Variants in ATP11A observed in about 807,000 individuals in gnomAD.
The protein encoded by ATP11A is ATPase phospholipid transporting 11A, also known as phospholipid-transporting ATPase IH.
ATP11A carries 81 observed loss-of-function variants against 154.4 expected under a neutral mutation model. The observed-to-expected ratio is 0.52, with a 90% CI of 0.44 to 0.63. ATP11A has a LOEUF of 0.63. Among genes scored for constraint, ATP11A ranks in the 30% least tolerant of loss-of-function variants. The pLI, the probability that ATP11A is intolerant of heterozygous loss-of-function variation, is 0.00. For synonymous variants in ATP11A, 623 were observed against 585.9 expected (o/e 1.06, Z -0.91); for missense variants, 1,316 against 1,474.3 (o/e 0.89, Z 1.76).
intron 1 of ATP11A, among the ~76,000 whole-genome samples, chr13:112,771,372 C>A (rs1472534975): frequency 6.6e-6 from 1 of 152,222 alleles, no homozygotes; most frequent in Admixed American, 6.5e-5. Context: ...AGATGTGTCT[C>A]CTGGGTTCTG....
chr13:112,717,382 A>G (rs1888590662), intron 1 of ATP11A: 1 of 152,130 alleles, frequency 6.6e-6, no homozygotes, highest in Non-Finnish European at 1.5e-5. Flanking sequence ...ACTGAGCTCC[A>G]TTACCTCCAA....
intron 25 of ATP11A, among the ~76,000 whole-genome samples, chr13:112,867,176 C>G (rs2080362437): frequency 6.6e-6 from 1 of 152,210 alleles, no homozygotes; most frequent in South Asian, 2.1e-4. Context: ...TTTTCTCTCA[C>G]AAACACCACC....
intron 1 of ATP11A, among the ~76,000 whole-genome samples, chr13:112,764,710 G>A (rs1275313709): frequency 6.6e-6 from 1 of 152,230 alleles, no homozygotes; most frequent in Non-Finnish European, 1.5e-5. Flanking sequence ...TCCCCTTGAT[G>A]GGCTCGTCTG....
At chr13:112,863,358 G>A (rs1318922916) in intron 25 of ATP11A, among the ~76,000 whole-genome samples, 2 of 144,398 alleles carry the variant, frequency 1.4e-5, no homozygotes, top group African/African-American at 5.3e-5. Flanking sequence ...CACCTGCGCA[G>A]TAATTCAGTG....
At chr13:112,775,973 C>T (rs282590) in intron 1 of ATP11A, among the ~76,000 whole-genome samples, 15,448 of 152,260 alleles carry the variant, frequency 0.1, 1,226 homozygotes, top group African/African-American at 0.21. Flanking sequence ...CGTGAGCCCA[C>T]GCCGTCAGGC....
At chr13:112,835,379 AT>A (rs1300804107) in intron 15 of ATP11A, among the ~76,000 whole-genome samples, 2 of 152,352 alleles carry the variant, frequency 1.3e-5, no homozygotes, top group South Asian at 2.1e-4. Context: ...CTTAGGGAAA[AT>A]AAACTCCCCA....
chr13:112,766,575 C>G (rs1484906416), intron 1 of ATP11A, among the ~76,000 whole-genome samples: 2 of 151,966 alleles, frequency 1.3e-5, no homozygotes, highest in African/African-American at 4.8e-5. Flanking sequence ...GGTCAGGGTC[C>G]TTGCAGGACC....
At position 112,721,768 on chromosome 13, in the gene ATP11A, A is replaced by G. The variant is rs140082563; in HGVS notation, c.39+31313A>G. Among the ~76,000 whole-genome samples the G allele has an allele frequency of 2.4e-4, 36 of 152,364 alleles. 1 individual carries two copies. The East Asian group carries it at 6.6e-3, about 28-fold the overall frequency. The stretch of plus-strand genomic sequence containing the variant: ...TGGCCCCCAGCGAATGACATTGCAT[A>G]TAACTGCTTTTTTAGAGTGTTAAGA... On this transcript the variant is annotated intron_variant, in intron 1 of 29. Coordinates refer to ENST00000375645, the MANE Select transcript of ATP11A (RefSeq NM_015205.3).
intron 17 of ATP11A, among the ~76,000 whole-genome samples, chr13:112,847,751 T>G (rs1182810286): frequency 6.6e-6 from 1 of 152,238 alleles, no homozygotes; most frequent in Non-Finnish European, 1.5e-5. Context: ...CTCTTGAGAT[T>G]TAATAGGAAT....
intron 2 of ATP11A, among the ~76,000 whole-genome samples, chr13:112,799,463 T>TA (rs1323036042): frequency 6.6e-6 from 1 of 151,806 alleles, no homozygotes; most frequent in East Asian, 1.9e-4. Context: ...AGTGGAAAAT[T>TA]ACAGTTAAAG....
intron 1 of ATP11A, among the ~76,000 whole-genome samples, chr13:112,741,798 G>A (rs1040465750): frequency 1.3e-5 from 2 of 152,230 alleles, no homozygotes; most frequent in Non-Finnish European, 1.5e-5. Context: ...ATGTTTTACC[G>A]GGTATTTTGA....
At chr13:112,758,365 A>G (rs371899145) in intron 1 of ATP11A, among the ~76,000 whole-genome samples, 29 of 151,946 alleles carry the variant, frequency 1.9e-4, no homozygotes, top group African/African-American at 6.8e-4. Flanking sequence ...CCTGGCCACT[A>G]AGGACATTTG....
chr13:112,721,195 G>C (rs557234189), intron 1 of ATP11A, among the ~76,000 whole-genome samples: 1 of 152,298 alleles, frequency 6.6e-6, no homozygotes, highest in Admixed American at 6.5e-5. Context: ...GAGTTGGAGT[G>C]TGTTTTTTTC....
rs551863827 is a variant in ATP11A, at chr13:112,876,019, C to T, written c.3327+78C>T. The T allele has an allele frequency of 1.2e-4, 176 of 1,502,678 alleles. 1 individual carries two copies. The East Asian group carries it at 3.8e-3, about 33-fold the overall frequency. 93.1% of individuals were successfully genotyped at this position (1,502,678 alleles called of 1,614,324 possible). A position where few individuals can be genotyped will look rare whatever the true frequency, so the allele number is the denominator to read the frequency against. ...ATTGGGAGATGACCGTTTTGAAAGA[C>T]AGTGTGAAAGGTTTGGATTTCATGA... On this transcript the variant is annotated intron_variant, in intron 28 of 29. Transcript: ENST00000375645.
chr13:112,835,577 G>T (rs1356117836), intron 15 of ATP11A, among the ~76,000 whole-genome samples: 2 of 152,194 alleles, frequency 1.3e-5, no homozygotes, highest in Non-Finnish European at 2.9e-5. Context: ...TCAGGGCTCT[G>T]CCAAGGGACC....
rs1487445407 is a variant in ATP11A at position 112,859,938 on chromosome 13, G to T, written c.2728-349G>T. Reference sequence around the variant, plus strand: ...CCTCCTTCTGTCACATGTGTGCTCAGTGGTTGGCGGGCCAGCTGCCTTCAT... The same window carrying T: ...CCTCCTTCTGTCACATGTGTGCTCATTGGTTGGCGGGCCAGCTGCCTTCAT... On this transcript the variant is annotated intron_variant, in intron 23 of 29. Coordinates refer to ENST00000375645, the MANE Select transcript of ATP11A (RefSeq NM_015205.3). This position sits in a 1 kb window ranked among gnomAD's most constrained non-coding sequence, Gnocchi z 4.3. Among the ~76,000 whole-genome samples the T allele has an allele frequency of 1.3e-5, 2 of 152,230 alleles. No individual in the cohort carries two copies. Among genetic ancestry groups the T allele is most frequent in the Non-Finnish European group, 2.9e-5 (2 of 68,044 alleles).
chr13:112,716,732 G>A (rs907353977), intron 1 of ATP11A, among the ~76,000 whole-genome samples: 10 of 152,202 alleles, frequency 6.6e-5, no homozygotes, highest in Admixed American at 2.0e-4. Flanking sequence ...AGCCAGTGAC[G>A]GGGCCCATCC....
intron 24 of ATP11A, among the ~76,000 whole-genome samples, chr13:112,861,070 A>G (rs186012367): frequency 1.6e-4 from 25 of 152,302 alleles, no homozygotes; most frequent in Admixed American, 8.5e-4. Context: ...ATGAGGAGCA[A>G]AGGCACGTCT....
intron 1 of ATP11A, chr13:112,703,147 G>C (rs1162360154): frequency 6.6e-6 from 1 of 152,242 alleles, no homozygotes; most frequent in East Asian, 1.9e-4. Context: ...TTACGCAATA[G>C]AAATTTATTT....
Sources: allele counts gnomAD v4.1 joint callset (sites outside exome capture counted in the v4.1 genomes callset), GRCh38; gene constraint gnomAD v4.1.1; non-coding constraint Gnocchi (gnomAD v3.1); transcripts MANE v1.5; gene names NCBI Gene and HGNC (gene_info 2026-07-23, HGNC 2026-07-21).